Variants in TLK1 observed in about 807,000 individuals in gnomAD.
TLK1 encodes tousled like kinase 1.
In TLK1, 24 loss-of-function variants were observed where a neutral mutation model predicts 105.3. The observed-to-expected ratio is 0.23, with a 90% CI of 0.17 to 0.32. The LOEUF is 0.32. Ranked by LOEUF, TLK1 falls within the 10% of genes least tolerant of loss-of-function variation. The pLI is 1.00. For synonymous variants in TLK1, 321 were observed against 310.4 expected, an observed-to-expected ratio of 1.03 and a Z score of -0.36; for missense variants, 558 against 910.5, an observed-to-expected ratio of 0.61 and a Z score of 4.98.
In TLK1 at chr2:171,028,333, A is replaced by C; in HGVS notation, c.1236+6T>G. The C allele has an allele frequency of 1.3e-6, 2 of 1,595,372 alleles. No individual in the cohort carries two copies. The highest frequency in any genetic ancestry group is 1.7e-6 in the Non-Finnish European group (2 of 1,163,884). On this transcript the variant is annotated splice_donor_region_variant and intron_variant, in intron 12 of 20. Coordinates refer to ENST00000431350, the MANE Select transcript of TLK1 (RefSeq NM_012290.5). ...GAACTAAAAATGCAGCATATGTTTC[A>C]CATACCTTTTTGAGATGTCCTAGTC...
chr2:171,170,170 A>T (rs1250779209), intron 1 of TLK1, among the ~76,000 whole-genome samples: 4 of 152,176 alleles, frequency 2.6e-5, no homozygotes, highest in Non-Finnish European at 2.9e-5. Context: ...ACTGCTTATA[A>T]AAAAATACTT....
At chr2:171,062,103 G>A (rs1335188826) in intron 3 of TLK1, among the ~76,000 whole-genome samples, 2 of 152,288 alleles carry the variant, frequency 1.3e-5, no homozygotes, top group Non-Finnish European at 1.5e-5. Context: ...ACTAATACAA[G>A]TAATTTTTCT....
intron 1 of TLK1, among the ~76,000 whole-genome samples, chr2:171,172,163 T>C (rs1692742367): frequency 6.6e-6 from 1 of 152,176 alleles, no homozygotes; most frequent in Non-Finnish European, 1.5e-5. Context: ...AAGATAGACA[T>C]GAAAGATTAC....
upstream of TLK1, among the ~76,000 whole-genome samples, chr2:171,164,061 T>A (rs1038683566): frequency 3.9e-5 from 6 of 152,322 alleles, no homozygotes; most frequent in East Asian, 5.8e-4. Context: ...TTGGCTATGT[T>A]TATTTTTAAT....
At chr2:171,094,449 A>G (rs189384030) in intron 2 of TLK1, among the ~76,000 whole-genome samples, 4 of 152,338 alleles carry the variant, frequency 2.6e-5, no homozygotes, top group Admixed American at 2.6e-4. Context: ...AAGAAAAATT[A>G]AAACCTAGAA....
intron 1 of TLK1, among the ~76,000 whole-genome samples, chr2:171,215,829 A>G (rs1339693194): frequency 6.6e-6 from 1 of 152,184 alleles, no homozygotes; most frequent in Non-Finnish European, 1.5e-5. Context: ...CAGCGGGTAC[A>G]TGCACGCGGT....
rs1373135353 is a variant in TLK1 at position 171,015,733 on chromosome 2, CCA to C, written c.1237-787_1237-786del. Among the ~76,000 whole-genome samples, 48 of 8,160 alleles carry C rather than the reference CCA, an allele frequency of 5.9e-3. No individual in the cohort carries two copies. The South Asian group carries it at 0.27, about 46-fold the overall frequency. The allele number at this position is 8,160 out of a possible 152,430, so 5.4% of individuals were successfully genotyped here. On this transcript the variant is annotated intron_variant, in intron 12 of 20. Coordinates refer to ENST00000431350, the MANE Select transcript of TLK1 (RefSeq NM_012290.5). ...CACACACACACACACACACACACAC[CCA>C]CCCCTTTTTTGTCAATACAAATTTG...
intron 2 of TLK1, among the ~76,000 whole-genome samples, chr2:171,114,302 T>C (rs1303795002): frequency 6.6e-6 from 1 of 152,176 alleles, no homozygotes; most frequent in East Asian, 1.9e-4. Flanking sequence ...TTACCTTACA[T>C]GGCCAAAAAA....
rs775391704 is a variant in TLK1 at position 171,049,945 on chromosome 2, T to C, written c.849A>G (p.Thr283=). 47 of 1,606,884 alleles carry C rather than the reference T, an allele frequency of 2.9e-5. No individual in the cohort carries two copies. The highest frequency in any genetic ancestry group is 1.6e-4 in the Middle Eastern group (1 of 6,064). Residue 283 remains threonine (T), a synonymous_variant, in exon 10 of 21, where the codon ACA becomes ACG. Transcript: ENST00000431350. ...TCTCTCTGCTTGACAGCTTTTCTTG[T>C]GTACTCTGAAAAGGAGAAAAAAAAT... ...MSKKLLIEKS[T]QEKLSSREKS...
At position 171,064,687 on chromosome 2, in the gene TLK1, C is replaced by T. The variant is rs146477175; in HGVS notation, c.331-3531G>A. On this transcript the variant is annotated intron_variant, in intron 3 of 20. Coordinates refer to ENST00000431350, the MANE Select transcript of TLK1 (RefSeq NM_012290.5). ...AAAGTATTCAGTAATTATAAAAGGCCAAAGAGCTCCAATATACAATGAAAC... is the reference window on the plus strand; with the variant it reads ...AAAGTATTCAGTAATTATAAAAGGCTAAAGAGCTCCAATATACAATGAAAC... 5.0e-3 allele frequency among the ~76,000 whole-genome samples: 762 copies of T among 152,044 alleles called. 6 individuals are homozygous for T. The highest frequency in any genetic ancestry group is 0.017 in the African/African-American group (708 of 41,454).
chr2:171,128,016 G>A (rs1690941963), intron 1 of TLK1, among the ~76,000 whole-genome samples: 1 of 152,078 alleles, frequency 6.6e-6, no homozygotes, highest in African/African-American at 2.4e-5. Flanking sequence ...ATAACCCTGT[G>A]GTAGAGAAGA....
At chr2:171,063,280 G>A (rs1687841041) in intron 3 of TLK1, among the ~76,000 whole-genome samples, 1 of 151,904 alleles carries the variant, frequency 6.6e-6, no homozygotes, top group African/African-American at 2.4e-5. Context: ...CAGGAGGTAG[G>A]GGTTGCAGTG....
chr2:171,007,087 T>A (rs758752745), intron 14 of TLK1, 24 bp from the exon 15 acceptor site: 1 of 1,570,340 alleles, frequency 6.4e-7, no homozygotes, highest in Admixed American at 2.0e-5. Context: ...TCAAAAACAA[T>A]TAAGATGAAA....
chr2:171,005,504 G>C (rs990988031), intron 18 of TLK1, among the ~76,000 whole-genome samples: 1 of 152,158 alleles, frequency 6.6e-6, no homozygotes, highest in African/African-American at 2.4e-5. Context: ...CAAGCACTTT[G>C]GGAGAGGCAG....
At chr2:171,165,011 A>G (rs1692580878), upstream of TLK1, among the ~76,000 whole-genome samples, 2 of 152,178 alleles carry the variant, frequency 1.3e-5, no homozygotes, top group African/African-American at 4.8e-5. Context: ...ACAATAGGAA[A>G]AAATATAGAA....
intron 2 of TLK1, among the ~76,000 whole-genome samples, chr2:171,101,551 C>T (rs891028031): frequency 3.3e-5 from 5 of 151,854 alleles, no homozygotes; most frequent in African/African-American, 1.2e-4. Flanking sequence ...TTTTAGAGTT[C>T]GACAGTGGTA....
At chr2:170,994,010 A>T in intron 20 of TLK1, 54 bp from the exon 21 acceptor site, 1 of 1,507,270 alleles carries the variant, frequency 6.6e-7, no homozygotes, top group Non-Finnish European at 8.9e-7. Context: ...CCTTCTAAAT[A>T]TCAATCAACT....
chr2:171,019,268 A>T (rs1325180779), intron 12 of TLK1, among the ~76,000 whole-genome samples: 1 of 152,216 alleles, frequency 6.6e-6, no homozygotes, highest in Non-Finnish European at 1.5e-5. Context: ...CTATAAGCCA[A>T]ATGTAGGCTG....
intron 1 of TLK1, among the ~76,000 whole-genome samples, chr2:171,119,730 T>C (rs1211284878): frequency 6.6e-6 from 1 of 152,192 alleles, no homozygotes; most frequent in Non-Finnish European, 1.5e-5. Flanking sequence ...GAAAGATCAG[T>C]CTTTTCAACA....
Sources: allele counts gnomAD v4.1 joint callset (sites outside exome capture counted in the v4.1 genomes callset), GRCh38; gene constraint gnomAD v4.1.1; transcripts MANE v1.5; gene names NCBI Gene and HGNC (gene_info 2026-07-23, HGNC 2026-07-21).